The following PXDNL variants were observed in gnomAD, a reference collection of about 807,000 sequenced individuals.
PXDNL encodes probable oxidoreductase PXDNL.
PXDNL carries 145 observed loss-of-function variants against 150.8 expected under a neutral mutation model. The ratio of observed to expected loss-of-function variants is 0.96; its 90% confidence interval spans 0.84 to 1.10. The LOEUF is 1.10. Among genes scored for constraint, PXDNL ranks in the 50% least tolerant of loss-of-function variants. PXDNL has a pLI of 0.00. For missense variants in PXDNL, 2,087 were observed against 1,873.9 expected (o/e 1.11, Z -2.10); for synonymous variants, 757 against 725.7 (o/e 1.04, Z -0.69).
chr8:51,573,443 T>C (rs1433020949), intron 3 of PXDNL, among the ~76,000 whole-genome samples: 1 of 151,976 alleles, frequency 6.6e-6, no homozygotes, highest in Non-Finnish European at 1.5e-5. Context: ...ATAGTCAGTA[T>C]TTTAACTAAT....
At chr8:51,509,270 T>C (rs1435794661) in intron 4 of PXDNL, among the ~76,000 whole-genome samples, 1 of 152,152 alleles carries the variant, frequency 6.6e-6, no homozygotes, top group Non-Finnish European at 1.5e-5. Context: ...ATGTGTCAAA[T>C]ACATTTTTAT....
At chr8:51,485,309 T>C (rs1810704018) in intron 5 of PXDNL, among the ~76,000 whole-genome samples, 1 of 152,170 alleles carries the variant, frequency 6.6e-6, no homozygotes, top group African/African-American at 2.4e-5. Context: ...CCATCTAATT[T>C]ACCCAACTCA....
chr8:51,590,918 T>C (rs995613040), intron 3 of PXDNL, among the ~76,000 whole-genome samples: 76 of 152,000 alleles, frequency 5.0e-4, no homozygotes, highest in African/African-American at 1.7e-3. Flanking sequence ...AGGACATGAG[T>C]TTTGTGAGGC....
chr8:51,613,493 G>GGT (rs1554558277), intron 2 of PXDNL, among the ~76,000 whole-genome samples: 1 of 118,606 alleles, frequency 8.4e-6, no homozygotes. Flanking sequence ...GCGGGGGGGG[G>GGT]GCAGGGCGGC....
At chr8:51,585,590 T>C (rs1219901402) in intron 3 of PXDNL, among the ~76,000 whole-genome samples, 2 of 152,002 alleles carry the variant, frequency 1.3e-5, no homozygotes, top group Non-Finnish European at 2.9e-5. Context: ...TCAAAAAACC[T>C]TTAGTAGAGT....
chr8:51,328,459 T>C (rs77916577), intron 21 of PXDNL, among the ~76,000 whole-genome samples: 4,802 of 152,198 alleles, frequency 0.032, 242 homozygotes, highest in African/African-American at 0.11. Flanking sequence ...GTCCACCAAT[T>C]CTAATGCTAA....
chr8:51,682,845 T>G (rs1433778223), intron 1 of PXDNL, among the ~76,000 whole-genome samples: 1 of 151,930 alleles, frequency 6.6e-6, no homozygotes, highest in Non-Finnish European at 1.5e-5. Flanking sequence ...AAGGGATTGC[T>G]GGGCCCCACC....
chr8:51,616,545 G>A (rs1470652557), intron 2 of PXDNL, among the ~76,000 whole-genome samples: 1 of 152,122 alleles, frequency 6.6e-6, no homozygotes, highest in Non-Finnish European at 1.5e-5. Context: ...TGAGGCATTG[G>A]TTCAAGGACC....
Position 51,423,623 on chromosome 8 carries a change from G to C in PXDNL, c.1747C>G (p.Arg583Gly). 1.2e-6 allele frequency: 2 copies of C among 1,613,796 alleles called. No homozygotes were observed. The highest frequency in any genetic ancestry group is 1.7e-6 in the Non-Finnish European group (2 of 1,179,822). The change falls in exon 14 of 23, where the codon CGG becomes GGG. Residue 583 changes from arginine (R) to glycine (G), a missense_variant. Transcript: ENST00000356297. ...GTCACAGCAAGGCCAAAAGAATTCCGAGCCACACATTCATATCTTCCCTGG... is the reference window on the plus strand; with the variant it reads ...GTCACAGCAAGGCCAAAAGAATTCCCAGCCACACATTCATATCTTCCCTGG... ...PDQGRYECVARNSFGLAVTNM... is the reference protein window; with the variant it reads ...PDQGRYECVAGNSFGLAVTNM...
At chr8:51,626,924 T>C (rs1219045318) in intron 2 of PXDNL, among the ~76,000 whole-genome samples, 1 of 152,212 alleles carries the variant, frequency 6.6e-6, no homozygotes, top group African/African-American at 2.4e-5. Context: ...GCCTTTGATG[T>C]CTGCTCACAT....
At chr8:51,350,698 C>A (rs2915461) in intron 19 of PXDNL, among the ~76,000 whole-genome samples, 112,760 of 151,980 alleles carry the variant, frequency 0.74, 42,327 homozygotes, top group East Asian at 0.94. Flanking sequence ...CACCCGCACA[C>A]GTGGTGACAA....
intron 17 of PXDNL, among the ~76,000 whole-genome samples, chr8:51,380,655 TC>T (rs1807502896): frequency 6.6e-6 from 1 of 152,232 alleles, no homozygotes. Flanking sequence ...TTTATCTTTT[TC>T]TTATGTTATT....
At chr8:51,702,476 T>G (rs1010636600) in intron 1 of PXDNL, among the ~76,000 whole-genome samples, 1 of 152,230 alleles carries the variant, frequency 6.6e-6, no homozygotes, top group African/African-American at 2.4e-5. Context: ...GAACAAACCT[T>G]GCAGTTTTCA....
At chr8:51,709,266 T>C (rs28726074) in intron 1 of PXDNL, among the ~76,000 whole-genome samples, 1 of 151,792 alleles carries the variant, frequency 6.6e-6, no homozygotes, top group African/African-American at 2.4e-5. Context: ...TTTTTTTTTT[T>C]CTTTTTGAGA....
At chr8:51,692,279 TCCAA>T (rs1816020599) in intron 1 of PXDNL, among the ~76,000 whole-genome samples, 4 of 152,182 alleles carry the variant, frequency 2.6e-5, no homozygotes, top group African/African-American at 9.7e-5. Context: ...AAAATCTCTT[TCCAA>T]GAAACACAAA....
Position 51,797,724 on chromosome 8 carries a change from A to T in PXDNL, c.164+11457T>A, listed in dbSNP as rs575143095. Among the ~76,000 whole-genome samples, 53 of 103,912 alleles carry T rather than the reference A, an allele frequency of 5.1e-4. 1 individual carries two copies. Among genetic ancestry groups the T allele is most frequent in the South Asian group, 3.8e-3 (11 of 2,894 alleles). The allele number at this position is 103,912 out of a possible 152,430, so 68.2% of individuals were successfully genotyped here. The stretch of plus-strand genomic sequence containing the variant: ...TCCATGTTCATGGATAGGAAGAATT[A>T]ATATCATGAAAATGGCCATACTGCC... On this transcript the variant is annotated intron_variant, in intron 1 of 22. Transcript: ENST00000356297.
Position 51,723,278 on chromosome 8 carries a change from A to G in PXDNL, c.165-68518T>C, listed in dbSNP as rs907425754. 1.7e-4 allele frequency among the ~76,000 whole-genome samples: 26 copies of G among 152,200 alleles called. 1 individual carries two copies. The highest frequency in any genetic ancestry group is 1.7e-3 in the Admixed American group (26 of 15,286). ...AAAACAGGAATGTGGTAAAGGAAAC[A>G]CAAATTGAGAGTCAAATGGACCTGG... On this transcript the variant is annotated intron_variant, in intron 1 of 22. Transcript: ENST00000356297.
At chr8:51,400,314 G>A (rs763527014) in intron 17 of PXDNL, among the ~76,000 whole-genome samples, 3 of 152,116 alleles carry the variant, frequency 2.0e-5, no homozygotes, top group Non-Finnish European at 4.4e-5. Flanking sequence ...AACTGAAACT[G>A]GTCACATGAG....
chr8:51,455,172 T>C (rs1172320359), intron 9 of PXDNL, among the ~76,000 whole-genome samples: 2 of 150,870 alleles, frequency 1.3e-5, no homozygotes, highest in Non-Finnish European at 3.0e-5. Flanking sequence ...TTATAATAAT[T>C]GAAATAAATG....
Sources: allele counts gnomAD v4.1 joint callset (sites outside exome capture counted in the v4.1 genomes callset), GRCh38; gene constraint gnomAD v4.1.1; transcripts MANE v1.5; gene names NCBI Gene and HGNC (gene_info 2026-07-23, HGNC 2026-07-21).